IGSF21: variants seen among roughly 807,000 people sequenced by gnomAD.
IGSF21 encodes immunoglobin superfamily member 21.
IGSF21 carries 28 observed loss-of-function variants against 46.8 expected under a neutral mutation model. The ratio of observed to expected loss-of-function variants is 0.60; its 90% CI spans 0.44 to 0.82. IGSF21 has a LOEUF of 0.82. Ranked by LOEUF, IGSF21 falls within the 40% of genes least tolerant of loss-of-function variation. IGSF21 has a pLI of 0.00. For missense variants in IGSF21, 624 were observed against 665.5 expected (o/e 0.94, Z 0.69); for synonymous variants, 284 against 273.6 (o/e 1.04, Z -0.38).
At chr1:18,300,393 C>G (rs1220264381) in intron 3 of IGSF21, among the ~76,000 whole-genome samples, 1 of 152,206 alleles carries the variant, frequency 6.6e-6, no homozygotes. Flanking sequence ...ATAGATAATT[C>G]TAATTGTTGC....
intron 1 of IGSF21, among the ~76,000 whole-genome samples, chr1:18,208,395 A>ATATT (rs369367032): frequency 2.4e-5 from 3 of 123,766 alleles, no homozygotes; most frequent in South Asian, 5.3e-4. Context: ...ATATATATAT[A>ATATT]TTTTTTGAGA....
chr1:18,333,936 A>G, intron 3 of IGSF21, among the ~76,000 whole-genome samples: 1 of 152,258 alleles, frequency 6.6e-6, no homozygotes, highest in East Asian at 1.9e-4. Flanking sequence ...AATGAAAATT[A>G]TGTGAAATTC....
At chr1:18,267,034 TCA>T (rs1194176940) in intron 2 of IGSF21, among the ~76,000 whole-genome samples, 5 of 152,154 alleles carry the variant, frequency 3.3e-5, no homozygotes. Flanking sequence ...TGGAGGAGAC[TCA>T]GTCTCTGCCC....
intron 3 of IGSF21, among the ~76,000 whole-genome samples, chr1:18,297,851 G>T (rs1192486357): frequency 6.6e-6 from 1 of 151,878 alleles, no homozygotes; most frequent in Non-Finnish European, 1.5e-5. Flanking sequence ...TCCACGGTTG[G>T]TTGGATCTGC....
At chr1:18,254,144 G>A (rs1263201408) in intron 2 of IGSF21, among the ~76,000 whole-genome samples, 4 of 152,180 alleles carry the variant, frequency 2.6e-5, no homozygotes, top group South Asian at 2.1e-4. Context: ...CATGCTTGTA[G>A]TAAGTTCTGG....
At chr1:18,370,922 T>C (rs1338510607) in intron 6 of IGSF21, among the ~76,000 whole-genome samples, 1 of 152,200 alleles carries the variant, frequency 6.6e-6, no homozygotes, top group Non-Finnish European at 1.5e-5. Flanking sequence ...AAACTGACAA[T>C]ACCAGATGTT....
rs545781458 is a variant in IGSF21 at position 18,356,979 on chromosome 1, G to A, written c.425-5136G>A. Among the ~76,000 whole-genome samples the A allele has an allele frequency of 3.8e-4, 57 of 151,928 alleles. No homozygotes were observed. The South Asian group carries it at 7.1e-3, about 19-fold the overall frequency. On this transcript the variant is annotated intron_variant, in intron 4 of 9. Transcript: ENST00000251296. ...GGAGCTGAATGTGAGGATAGAGACA[G>A]AGATGAGAATGGAGATGGAGTGGAG...
intron 1 of IGSF21, among the ~76,000 whole-genome samples, chr1:18,188,034 C>T (rs371712895): frequency 6.6e-6 from 1 of 152,150 alleles, no homozygotes; most frequent in East Asian, 1.9e-4. Context: ...TGTGAATCCA[C>T]GTATGCCTCA....
At chr1:18,222,444 C>T (rs986661835) in intron 1 of IGSF21, among the ~76,000 whole-genome samples, 1 of 152,106 alleles carries the variant, frequency 6.6e-6, no homozygotes, top group African/African-American at 2.4e-5. Flanking sequence ...GGAGTGCAGG[C>T]AAGGGAAGGG....
rs190599313 is a variant in IGSF21 at position 18,291,730 on chromosome 1, G to A, written c.184-136G>A. Reference sequence around the variant, plus strand: ...ACATCGCTGCCTCCAGGAAGCCCTCGGTTATTACCTTATTCTCAGGATGGG... The same window carrying A: ...ACATCGCTGCCTCCAGGAAGCCCTCAGTTATTACCTTATTCTCAGGATGGG... On this transcript the variant is annotated intron_variant, in intron 2 of 9. Coordinates refer to ENST00000251296, the MANE Select transcript of IGSF21 (RefSeq NM_032880.5). The A allele has an allele frequency of 5.6e-4, 596 of 1,059,254 alleles. 3 individuals are homozygous for A. In the African/African-American group the frequency reaches 8.2e-3, roughly 15 times the overall value. The allele number at this position is 1,059,254 out of a possible 1,614,324, so 65.6% of individuals were successfully genotyped here. A position where few individuals can be genotyped will look rare whatever the true frequency, so the allele number is the denominator to read the frequency against.
intron 3 of IGSF21, among the ~76,000 whole-genome samples, chr1:18,323,244 C>G (rs2085622264): frequency 6.6e-6 from 1 of 152,168 alleles, no homozygotes; most frequent in African/African-American, 2.4e-5. Flanking sequence ...TCCCTCTAGT[C>G]AGGAGTAAGG....
chr1:18,368,028 CATT>C (rs1344264053), intron 6 of IGSF21, among the ~76,000 whole-genome samples: 1 of 152,042 alleles, frequency 6.6e-6, no homozygotes, highest in Non-Finnish European at 1.5e-5. Flanking sequence ...AGACAGGCAC[CATT>C]ATTATCCCAT....
chr1:18,316,497 T>A (rs1388726913), intron 3 of IGSF21, among the ~76,000 whole-genome samples: 2 of 152,164 alleles, frequency 1.3e-5, no homozygotes, highest in African/African-American at 4.8e-5. Context: ...TGAACTCTGG[T>A]GTGAACAATT....
At chr1:18,231,566 CCAATATGGTAGCCA>C in intron 2 of IGSF21, among the ~76,000 whole-genome samples, 1 of 152,100 alleles carries the variant, frequency 6.6e-6, no homozygotes, top group Admixed American at 6.5e-5. Context: ...TCTGGGTTGT[CCAATATGGTAGCCA>C]CCAGTCACAC....
chr1:18,256,546 C>G (rs1406554370), intron 2 of IGSF21, among the ~76,000 whole-genome samples: 1 of 152,144 alleles, frequency 6.6e-6, no homozygotes, highest in African/African-American at 2.4e-5. Flanking sequence ...GGCAGCCTCA[C>G]TCAGAAACCA....
intron 1 of IGSF21, among the ~76,000 whole-genome samples, chr1:18,159,920 A>C (rs982674963): frequency 6.6e-6 from 1 of 152,012 alleles, no homozygotes; most frequent in Non-Finnish European, 1.5e-5. Context: ...TGACCTTGTG[A>C]TCCATCCACC....
chr1:18,196,495 G>C (rs1022186055), intron 1 of IGSF21, among the ~76,000 whole-genome samples: 1 of 152,176 alleles, frequency 6.6e-6, no homozygotes, highest in African/African-American at 2.4e-5. Flanking sequence ...CAGCAGGAGA[G>C]CCCAGGGTCT....
intron 2 of IGSF21, among the ~76,000 whole-genome samples, chr1:18,264,698 AAGGAATC>A (rs2084975289): frequency 6.6e-6 from 1 of 152,218 alleles, no homozygotes; most frequent in Non-Finnish European, 1.5e-5. Context: ...AATGTAGCTG[AAGGAATC>A]ATTGAATTTG....
intron 1 of IGSF21, among the ~76,000 whole-genome samples, chr1:18,120,803 T>C (rs2086228257): frequency 1.3e-5 from 2 of 152,080 alleles, no homozygotes; most frequent in African/African-American, 4.8e-5. Flanking sequence ...TGGAGGCAAA[T>C]TGCAGCTTGC....
Sources: allele counts gnomAD v4.1 joint callset (sites outside exome capture counted in the v4.1 genomes callset), GRCh38; gene constraint gnomAD v4.1.1; transcripts MANE v1.5; gene names NCBI Gene and HGNC (gene_info 2026-07-23, HGNC 2026-07-21).